Variants in SOX5 observed in about 807,000 individuals in gnomAD.
The protein encoded by SOX5 is SRY-box transcription factor 5.
Under a neutral mutation model 92.0 loss-of-function variants are expected in SOX5, and 9 were observed. The observed-to-expected ratio is 0.10, with a 90% CI of 0.06 to 0.17. The LOEUF (loss-of-function observed/expected upper bound fraction) is 0.17, where lower values mean the gene tolerates loss of function less well. Among genes scored for constraint, SOX5 ranks in the 10% least tolerant of loss-of-function variants. The probability of loss-of-function intolerance (pLI) is 1.00; values close to 1 mark genes in which losing one functional copy is unlikely to be tolerated. For missense variants in SOX5, 642 were observed against 944.5 expected (o/e 0.68, Z 4.20); for synonymous variants, 344 against 336.3 (o/e 1.02, Z -0.25).
chr12:24,359,499 C>G (rs1266898085), intron 2 of SOX5, among the ~76,000 whole-genome samples: 1 of 152,176 alleles, frequency 6.6e-6, no homozygotes, highest in Non-Finnish European at 1.5e-5. Flanking sequence ...ACAAGGGGCA[C>G]TAAAGAAAAT....
At position 24,078,548 on chromosome 12, in the gene SOX5, G is replaced by A. The variant is rs141224758; in HGVS notation, c.-2+134795C>T. The stretch of plus-strand genomic sequence containing the variant: ...AGTCATTGAAGGCTTTCAATCAGGA[G>A]GATGACATAACCAGATTTGCATTTT... On this transcript the variant is annotated intron_variant, in intron 4 of 4. Coordinates refer to the SOX5 transcript ENST00000446891. Among the ~76,000 whole-genome samples the A allele has an allele frequency of 1.2e-4, 18 of 152,080 alleles. 1 individual carries two copies. In the East Asian group the frequency reaches 3.5e-3, roughly 30 times the overall value.
At chr12:23,874,779 G>A (rs1289895088) in intron 2 of SOX5, among the ~76,000 whole-genome samples, 1 of 152,148 alleles carries the variant, frequency 6.6e-6, no homozygotes, top group Admixed American at 6.5e-5. Flanking sequence ...GAAGTCCTGA[G>A]AGAAAGGATT....
chr12:24,008,243 A>C (rs1592282391), intron 4 of SOX5, among the ~76,000 whole-genome samples: 1 of 152,300 alleles, frequency 6.6e-6, no homozygotes, highest in East Asian at 1.9e-4. Context: ...TATTATGCCA[A>C]ATAAACAACT....
intron 2 of SOX5, among the ~76,000 whole-genome samples, chr12:24,287,355 T>C (rs976364414): frequency 2.6e-5 from 4 of 152,294 alleles, no homozygotes; most frequent in Admixed American, 2.0e-4. Context: ...TTTTCTCGTC[T>C]TTAAAATCTC....
intron 4 of SOX5, among the ~76,000 whole-genome samples, chr12:24,112,561 C>T (rs1268151029): frequency 1.7e-5 from 2 of 121,138 alleles, no homozygotes; most frequent in East Asian, 2.8e-4. Context: ...GGCAGGATCT[C>T]GCTCTGTTGT....
chr12:24,196,504 C>T (rs1957024369), intron 4 of SOX5, among the ~76,000 whole-genome samples: 2 of 152,092 alleles, frequency 1.3e-5, no homozygotes, highest in Admixed American at 1.3e-4. Context: ...ATAAAGTTAA[C>T]TTTTTTAAGG....
chr12:23,584,665 A>G, intron 9 of SOX5: 1 of 1,379,128 alleles, frequency 7.3e-7, no homozygotes, highest in Non-Finnish European at 1.0e-6. Flanking sequence ...GCATTGGTTT[A>G]TATTTGGGAG....
intron 4 of SOX5, among the ~76,000 whole-genome samples, chr12:24,004,421 T>G (rs1361842046): frequency 6.6e-6 from 1 of 151,876 alleles, no homozygotes; most frequent in Admixed American, 6.6e-5. Flanking sequence ...TAAAACTCAA[T>G]AAAAGAAACA....
intron 5 of SOX5, among the ~76,000 whole-genome samples, chr12:23,735,880 T>G (rs567621703): frequency 6.6e-6 from 1 of 152,228 alleles, no homozygotes; most frequent in Non-Finnish European, 1.5e-5. Flanking sequence ...ATTTGTTTAT[T>G]TATTTGCTAG....
intron 2 of SOX5, among the ~76,000 whole-genome samples, chr12:23,862,365 T>C (rs1247484410): frequency 2.6e-5 from 4 of 152,126 alleles, no homozygotes; most frequent in Admixed American, 1.3e-4. Flanking sequence ...CTATTGAAAA[T>C]AGGAGCAGGT....
At chr12:24,064,710 G>C (rs1021929275) in intron 4 of SOX5, among the ~76,000 whole-genome samples, 13 of 152,114 alleles carry the variant, frequency 8.5e-5, no homozygotes, top group Admixed American at 6.6e-5. Context: ...GCTGTATCCT[G>C]ATCATAGAAA....
chr12:23,807,717 T>G (rs1463652125), intron 3 of SOX5, among the ~76,000 whole-genome samples: 1 of 151,238 alleles, frequency 6.6e-6, no homozygotes, highest in Admixed American at 6.6e-5. Context: ...CTCGGCTCAC[T>G]GCAGCCTCCG....
intron 1 of SOX5, among the ~76,000 whole-genome samples, chr12:23,907,322 ATTCT>A (rs2097304741): frequency 6.6e-6 from 1 of 152,156 alleles, no homozygotes; most frequent in African/African-American, 2.4e-5. Flanking sequence ...GAACATCAAT[ATTCT>A]TTCTTTTTTT....
chr12:23,591,399 A>G (rs1333443405), intron 9 of SOX5, among the ~76,000 whole-genome samples: 1 of 152,104 alleles, frequency 6.6e-6, no homozygotes, highest in Non-Finnish European at 1.5e-5. Context: ...AGATGTTTCT[A>G]ATGTGGTCCA....
chr12:23,571,193 AAACT>A (rs897449986), intron 10 of SOX5, among the ~76,000 whole-genome samples: 3 of 151,190 alleles, frequency 2.0e-5, no homozygotes, highest in East Asian at 1.9e-4. Flanking sequence ...ATAAAAATGT[AAACT>A]AACAAACTTT....
At chr12:23,834,758 G>C (rs1044264646) in intron 3 of SOX5, among the ~76,000 whole-genome samples, 1 of 151,834 alleles carries the variant, frequency 6.6e-6, no homozygotes, top group Non-Finnish European at 1.5e-5. Flanking sequence ...AAATAGCTTG[G>C]AGGCAAGAAG....
At chr12:24,559,393 A>T (rs1243359080) in intron 1 of SOX5, among the ~76,000 whole-genome samples, 1 of 152,200 alleles carries the variant, frequency 6.6e-6, no homozygotes, top group East Asian at 1.9e-4. Flanking sequence ...TCAACATTAG[A>T]ACTCTCCGTT....
intron 4 of SOX5, among the ~76,000 whole-genome samples, chr12:24,142,815 C>G (rs1388418942): frequency 6.6e-6 from 1 of 150,574 alleles, no homozygotes; most frequent in Admixed American, 6.7e-5. Flanking sequence ...AGCTGAATCC[C>G]GGAAGACAGA....
chr12:24,357,316 A>C (rs1954963594), intron 2 of SOX5: 1 of 152,216 alleles, frequency 6.6e-6, no homozygotes, highest in African/African-American at 2.4e-5. Flanking sequence ...CATGCCTTCA[A>C]CAGCATTTAT....
Sources: gnomAD v4.1 joint callset for allele counts (sites outside exome capture counted in the v4.1 genomes callset) on GRCh38, gnomAD v4.1.1 for gene constraint, MANE v1.5 for transcripts, NCBI Gene and HGNC (gene_info 2026-07-23, HGNC 2026-07-21) for gene names.